ACACA: variants seen among roughly 807,000 people sequenced by gnomAD.
The protein encoded by ACACA is acetyl-CoA carboxylase alpha, also known as acetyl-CoA carboxylase 1.
In ACACA, 103 loss-of-function variants were observed where a neutral mutation model predicts 296.1. That is an observed-to-expected ratio of 0.35 (90% CI 0.30 to 0.41). ACACA has a LOEUF of 0.41. ACACA is among the 10% of genes least tolerant of loss of function. The pLI, the probability that ACACA is intolerant of heterozygous loss-of-function variation, is 1.00. For synonymous variants in ACACA, 953 were observed against 1,038.6 expected, an observed-to-expected ratio of 0.92 and a Z score of 1.58; for missense variants, 1,554 against 2,989.7, an observed-to-expected ratio of 0.52 and a Z score of 11.20.
intron 22 of ACACA, among the ~76,000 whole-genome samples, 170 bp from the exon 23 acceptor site, chr17:37,242,223 G>A (rs1332403908): frequency 6.6e-6 from 1 of 152,022 alleles, no homozygotes; most frequent in Non-Finnish European, 1.5e-5. Flanking sequence ...AGAGAATCAC[G>A]CTACATAAGC....
At chr17:37,244,857 C>T (rs1169972436) in intron 20 of ACACA, 123 bp from the exon 21 acceptor site, 1 of 1,427,296 alleles carries the variant, frequency 7.0e-7, no homozygotes, top group Non-Finnish European at 9.9e-7. Flanking sequence ...GGAGGGAAGT[C>T]AATAGAGGAA....
intron 1 of ACACA, among the ~76,000 whole-genome samples, chr17:37,360,782 TATATC>T (rs1213712689): frequency 2.6e-5 from 4 of 152,278 alleles, no homozygotes; most frequent in East Asian, 1.9e-4. Flanking sequence ...ATATCACTAA[TATATC>T]AATCAGTTGG....
intron 1 of ACACA, among the ~76,000 whole-genome samples, chr17:37,342,436 A>AAAAAATAT (rs1555652530): frequency 1.4e-4 from 8 of 58,214 alleles, no homozygotes; most frequent in Admixed American, 3.6e-4. Context: ...AAAAAAAAAA[A>AAAAAATAT]ATATATATAT....
chr17:37,141,705 T>C (rs7214025), intron 45 of ACACA, among the ~76,000 whole-genome samples: 33,023 of 151,974 alleles, frequency 0.22, 4,139 homozygotes, highest in Admixed American at 0.34. Flanking sequence ...GTTTTTTTTT[T>C]TCTGAGATGG....
In ACACA at chr17:37,163,556, C is replaced by A. The variant is rs115950890; in HGVS notation, c.5080-1506G>T. Among the ~76,000 whole-genome samples, 610 of 152,298 alleles carry A rather than the reference C, an allele frequency of 4.0e-3. 2 individuals carry two copies. The highest frequency in any genetic ancestry group is 0.013 in the African/African-American group (533 of 41,550). ...GAAGCAGAAAAAGGATGACGTCTCA[C>A]GGACTGTACACTTTTCATGATCCAG... On this transcript the variant is annotated intron_variant, in intron 41 of 55. Coordinates refer to ENST00000616317, the MANE Select transcript of ACACA (RefSeq NM_198834.3).
chr17:37,225,904 T>C (rs150071744), intron 26 of ACACA, among the ~76,000 whole-genome samples: 7 of 152,382 alleles, frequency 4.6e-5, no homozygotes, highest in East Asian at 1.9e-4. Flanking sequence ...GTTGTTCTGA[T>C]TGCTGCCGCC....
At chr17:37,213,348 C>CAA (rs11353673) in intron 29 of ACACA, among the ~76,000 whole-genome samples, 13 of 78,514 alleles carry the variant, frequency 1.7e-4, no homozygotes, top group East Asian at 6.2e-4. Flanking sequence ...AAGTAAGTCT[C>CAA]AAAAAAAAAA....
intron 1 of ACACA, among the ~76,000 whole-genome samples, chr17:37,397,412 TTGA>T (rs2051117940): frequency 6.6e-6 from 1 of 152,308 alleles, no homozygotes; most frequent in South Asian, 2.1e-4. Context: ...AAAATATTTG[TTGA>T]TAATGTCACA....
intron 48 of ACACA, 81 bp downstream of exon 48, chr17:37,125,617 A>G: frequency 1.7e-6 from 2 of 1,163,952 alleles, no homozygotes; most frequent in Non-Finnish European, 2.5e-6. Context: ...CATTATTGGT[A>G]TATATCTATA....
At chr17:37,278,928 A>G (rs1193302377) in intron 5 of ACACA, among the ~76,000 whole-genome samples, 1 of 152,196 alleles carries the variant, frequency 6.6e-6, no homozygotes, top group Non-Finnish European at 1.5e-5. Context: ...GGTTTGTTAC[A>G]TAGGTAAACG....
intron 1 of ACACA, among the ~76,000 whole-genome samples, chr17:37,349,264 T>C (rs1245502786): frequency 1.3e-5 from 2 of 150,576 alleles, no homozygotes; most frequent in Non-Finnish European, 3.0e-5. Flanking sequence ...TTTTGCCACA[T>C]TGGCCAGGCT....
Position 37,097,722 on chromosome 17 carries a change from G to C in ACACA, c.6720+108C>G, listed in dbSNP as rs76555173. On this transcript the variant is annotated intron_variant, in intron 53 of 55. Coordinates refer to ENST00000616317, the MANE Select transcript of ACACA (RefSeq NM_198834.3). The surrounding 1 kb of genome is among the most constrained non-coding windows in gnomAD (Gnocchi z 4.8). ...GAAAATGTTTTGATCTGCAGAAGTT[G>C]TTTTAATTTGGCCCTCATAGCTCCC... 1.7e-3 allele frequency: 2,326 copies of C among 1,339,560 alleles called. 7 individuals are homozygous for C. The African/African-American group carries it at 0.022, about 13-fold the overall frequency. The allele number at this position is 1,339,560 out of a possible 1,614,324, so 83.0% of individuals were successfully genotyped here.
At position 37,089,005 on chromosome 17, in the gene ACACA, C is replaced by A; in HGVS notation, c.6961G>T (p.Val2321Phe). ...ATGTTTTCCTCTATTACCGAGTGAA[C>A]ACCATCCTCCTCTGTCAGCTGTTTC... is the stretch of plus-strand genomic sequence containing the variant. ...LEKQLTEEDG[V>F]HSVIEENIKC... Residue 2321 changes from valine to phenylalanine, a missense_variant, in exon 55 of 56, where the codon GTT (valine) becomes TTT (phenylalanine). Physicochemically the swap from Val to Phe is conservative, Grantham distance 50 (BLOSUM62 -1). Around this residue, in one of 16 missense-constraint regions of ACACA, gnomAD observed 553 missense variants for 1,043.6 expected, o/e 0.53. Coordinates refer to ENST00000616317, the MANE Select transcript of ACACA (RefSeq NM_198834.3). The A allele has an allele frequency of 6.2e-7, 1 of 1,614,198 alleles. No homozygotes were observed.
In ACACA at chr17:37,325,579, CTTTTTTTTTTT is replaced by C. The variant is rs1156553256; in HGVS notation, c.338+4583_338+4593del. On this transcript the variant is annotated intron_variant, in intron 3 of 55. Transcript: ENST00000616317. ...CTTAGGGTCTTATTTTCTTTTCTTTCTTTTTTTTTTTTTTTTTTTTTTTTTGCTCTGTTGCC... is the reference window on the plus strand; with the variant it reads ...CTTAGGGTCTTATTTTCTTTTCTTTCTTTTTTTTTTTTTTGCTCTGTTGCC... Among the ~76,000 whole-genome samples, 4 of 67,922 alleles carry C rather than the reference CTTTTTTTTTTT, an allele frequency of 5.9e-5. No individual in the cohort carries two copies. In the Admixed American group the frequency reaches 6.7e-4, roughly 11 times the overall value. The allele number at this position is 67,922 out of a possible 152,430, so 44.6% of individuals were successfully genotyped here. A position where few individuals can be genotyped will look rare whatever the true frequency, so the allele number is the denominator to read the frequency against.
chr17:37,405,787 T>TGTG (rs1215367194), intron 1 of ACACA, among the ~76,000 whole-genome samples: 2 of 150,866 alleles, frequency 1.3e-5, no homozygotes, highest in African/African-American at 4.9e-5. Context: ...CTCCAGACCC[T>TGTG]GTGATCCGCC....
rs750514642 is a variant in ACACA at position 37,253,020 on chromosome 17, A to G, written c.1843T>C (p.Leu615=). Residue 615 remains leucine (L), a synonymous_variant, in exon 15 of 56, where the codon TTG becomes CTG. Transcript: ENST00000616317. Reference sequence around the variant, plus strand: ...TCACCCCGAATAGACAGCTCCTTCAAAGCCACCACCATGTTTCTGGGAGAA... The same window carrying G: ...TCACCCCGAATAGACAGCTCCTTCAGAGCCACCACCATGTTTCTGGGAGAA... The part of the protein sequence containing the change: ...EEAISNMVVA[L]KELSIRGDFR... 13 of 1,614,210 alleles carry G rather than the reference A, an allele frequency of 8.1e-6. No individual in the cohort carries two copies. Among genetic ancestry groups the G allele is most frequent in the Non-Finnish European group, 1.0e-5 (12 of 1,180,024 alleles).
chr17:37,181,900 C>CAAAAAAAAAAAAAAAAAAAAA (rs61045031), intron 39 of ACACA, among the ~76,000 whole-genome samples: 1 of 22,238 alleles, frequency 4.5e-5, no homozygotes, highest in East Asian at 1.4e-3. Flanking sequence ...ACTCTGTATC[C>CAAAAAAAAAAAAAAAAAAAAA]AAAAAAAAAA....
At chr17:37,161,610 ATT>A in intron 42 of ACACA, 169 bp downstream of exon 42, 2 of 755,596 alleles carry the variant, frequency 2.6e-6, no homozygotes, top group East Asian at 2.7e-5. Flanking sequence ...TTGAGAAATA[ATT>A]TGTCTTTAAT....
intron 29 of ACACA, among the ~76,000 whole-genome samples, chr17:37,215,332 A>G (rs2078934126): frequency 6.6e-6 from 1 of 152,154 alleles, no homozygotes. Context: ...CGTACAACAA[A>G]GTACACCTCC....
Sources: gnomAD v4.1 joint callset for allele counts (sites outside exome capture counted in the v4.1 genomes callset) on GRCh38, gnomAD v4.1.1 for gene constraint, gnomAD v4.1.1 regional missense constraint, Gnocchi (gnomAD v3.1) non-coding constraint, MANE v1.5 for transcripts, NCBI Gene and HGNC (gene_info 2026-07-23, HGNC 2026-07-21) for gene names.